ZBTB42: variants seen among roughly 807,000 people sequenced by gnomAD.
ZBTB42 encodes zinc finger and BTB domain containing 42, also known as zinc finger and BTB domain-containing protein 42.
In ZBTB42, 3 loss-of-function variants were observed where a neutral mutation model predicts 4.7. The ratio of observed to expected loss-of-function variants is 0.64; its 90% CI spans 0.29 to 1.66. The LOEUF is 1.66. ZBTB42 is among the 40% of genes most tolerant of loss of function. The pLI is 0.10. For synonymous variants in ZBTB42, 255 were observed against 259.5 expected (o/e 0.98, Z 0.17); for missense variants, 521 against 577.1 (o/e 0.90, Z 1.00).
rs918667799 is a variant in ZBTB42 at position 104,802,790 on chromosome 14, C to A, written c.*324C>A. Reference sequence around the variant, plus strand: ...AGTTCTGAGGGGTGTCCAACCAGCACCTGGCTCTGCCCCCGTTTCTCCGTG... The same window carrying A: ...AGTTCTGAGGGGTGTCCAACCAGCAACTGGCTCTGCCCCCGTTTCTCCGTG... On this transcript the variant is annotated 3_prime_UTR_variant, in exon 1 of 1. Coordinates refer to ENST00000342537, the MANE Select transcript of ZBTB42 (RefSeq NM_001137601.3). This position sits in a 1 kb window ranked among gnomAD's most constrained non-coding sequence, Gnocchi z 5.9. 7.4e-6 allele frequency: 3 copies of A among 406,674 alleles called. No homozygotes were observed. Among genetic ancestry groups the A allele is most frequent in the Non-Finnish European group, 1.4e-5 (3 of 215,942 alleles). 25.2% of individuals were successfully genotyped at this position (406,674 alleles called of 1,614,324 possible).
chr14:104,800,697 G>A (rs1429637622), upstream of ZBTB42: 6 of 146,544 alleles, frequency 4.1e-5, no homozygotes, highest in South Asian at 1.0e-3. The surrounding 1 kb of genome is among the most constrained non-coding windows in gnomAD (Gnocchi z 5.3). Flanking sequence ...TCGGGGCGGC[G>A]GAGGTGAGCG....
In ZBTB42 at chr14:104,803,123, CA is replaced by C. The variant is rs1371168145; in HGVS notation, c.*658del. ...GATCCTAAGGCAGCAGGAGTAGAGC[CA>C]GCTAGAAGCTGAGTGGCTGTGGCAT... is the stretch of plus-strand genomic sequence containing the variant. On this transcript the variant is annotated 3_prime_UTR_variant, in exon 1 of 1. Transcript: ENST00000342537. The C allele has an allele frequency of 6.0e-6, 1 of 166,940 alleles. No homozygotes were observed. The highest frequency in any genetic ancestry group is 2.4e-5 in the African/African-American group (1 of 41,166). The allele number at this position is 166,940 out of a possible 1,614,324, so 10.3% of individuals were successfully genotyped here.
At chr14:104,800,947 A>G (rs1036462739), upstream of ZBTB42, 5 of 366,988 alleles carry the variant, frequency 1.4e-5, no homozygotes, top group Non-Finnish European at 2.4e-5. The surrounding 1 kb of genome is among the most constrained non-coding windows in gnomAD (Gnocchi z 5.3). Context: ...GGACGCGCGC[A>G]GGTTTGCGCG....
chr14:104,802,703 GC>G lies in ZBTB42; in HGVS notation c.*242del. On this transcript the variant is annotated 3_prime_UTR_variant, in exon 1 of 1. Transcript: ENST00000342537. The surrounding 1 kb of genome is among the most constrained non-coding windows in gnomAD (Gnocchi z 5.9). Reference sequence around the variant, plus strand: ...TCCCCTCACTCTCCAACTCATTCCGGCCCCCAGGCTGTGCCCTGCCTAGGCT... The same window carrying G: ...TCCCCTCACTCTCCAACTCATTCCGGCCCCAGGCTGTGCCCTGCCTAGGCT... 1 of 623,936 alleles carries G rather than the reference GC, an allele frequency of 1.6e-6. No homozygotes were observed. The highest frequency in any genetic ancestry group is 2.0e-5 in the South Asian group (1 of 48,892). The allele number at this position is 623,936 out of a possible 1,614,324, so 38.6% of individuals were successfully genotyped here.
At chr14:104,800,972 G>T (rs1894027115), upstream of ZBTB42, 2 of 443,400 alleles carry the variant, frequency 4.5e-6, no homozygotes, top group Admixed American at 4.5e-5. This position sits in a 1 kb window ranked among gnomAD's most constrained non-coding sequence, Gnocchi z 5.3. Context: ...CGGCTCCTGC[G>T]CCTGAGTCCC....
Position 104,802,762 on chromosome 14 carries a change from C to T in ZBTB42, c.*296C>T. 4.1e-6 allele frequency: 2 copies of T among 489,348 alleles called. No individual in the cohort carries two copies. Among genetic ancestry groups the T allele is most frequent in the Non-Finnish European group, 3.8e-6 (1 of 264,750 alleles). The allele number at this position is 489,348 out of a possible 1,614,324, so 30.3% of individuals were successfully genotyped here. A position where few individuals can be genotyped will look rare whatever the true frequency, so the allele number is the denominator to read the frequency against. On this transcript the variant is annotated 3_prime_UTR_variant, in exon 1 of 1. Transcript: ENST00000342537. The surrounding 1 kb of genome is among the most constrained non-coding windows in gnomAD (Gnocchi z 5.9). ...TATCTTCCTCTCCCGTCCCCTCCAG[C>T]CAAGTTCTGAGGGGTGTCCAACCAG...
Position 104,801,398 on chromosome 14 carries a change from C to T in ZBTB42, c.201C>T (p.Asn67=). ...GCAGTCGCGACACGGTGCGGCTCAA[C>T]GGCGACATCGTCACGGCGCCCGCCT... ...PAGSRDTVRL[N]GDIVTAPAFG... The change falls in exon 1 of 1, where the codon AAC becomes AAT. Residue 67 remains asparagine (N), a synonymous_variant. Transcript: ENST00000342537. This position sits in a 1 kb window ranked among gnomAD's most constrained non-coding sequence, Gnocchi z 4.4. 2 of 1,547,744 alleles carry T rather than the reference C, an allele frequency of 1.3e-6. No homozygotes were observed. Among genetic ancestry groups the T allele is most frequent in the African/African-American group, 2.7e-5 (2 of 73,126 alleles).
rs1481384805 is a variant in ZBTB42 at position 104,801,151 on chromosome 14, C to A, written c.-47C>A. 4.3e-6 allele frequency: 6 copies of A among 1,382,002 alleles called. No homozygotes were observed. The highest frequency in any genetic ancestry group is 3.6e-5 in the Admixed American group (1 of 27,494). The allele number at this position is 1,382,002 out of a possible 1,614,324, so 85.6% of individuals were successfully genotyped here. ...AGGGCGCTTCGTGGGCGCCTCCAGG[C>A]GCGCTGACGGGCGTCCCGTTTGTGC... On this transcript the variant is annotated 5_prime_UTR_variant, in exon 1 of 1. Transcript: ENST00000342537. The surrounding 1 kb of genome is among the most constrained non-coding windows in gnomAD (Gnocchi z 4.4).
rs1894064114 is a variant in ZBTB42, at chr14:104,802,266, T to G, written c.1069T>G (p.Ser357Ala). The change falls in exon 1 of 1, where the codon TCG (serine) becomes GCG (alanine). Residue 357 changes from serine to alanine, a missense_variant. Ser to Ala is a moderately conservative substitution (Grantham distance 99). Coordinates refer to ENST00000342537, the MANE Select transcript of ZBTB42 (RefSeq NM_001137601.3). This position sits in a 1 kb window ranked among gnomAD's most constrained non-coding sequence, Gnocchi z 5.9. ...YTLKRHERTH[S>A]GEKPYTCVQC... ...ACTGAAGAGGCACGAGCGGACACAC[T>G]CGGGTGAGAAGCCCTATACGTGTGT... 1 of 1,550,212 alleles carries G rather than the reference T, an allele frequency of 6.5e-7. No individual in the cohort carries two copies. Among genetic ancestry groups the G allele is most frequent in the African/African-American group, 1.4e-5 (1 of 73,036 alleles).
rs1894036783 is a variant in ZBTB42, at chr14:104,801,287, G to C, written c.90G>C (p.Val30=). 1 of 1,543,490 alleles carries C rather than the reference G, an allele frequency of 6.5e-7. No homozygotes were observed. Among genetic ancestry groups the C allele is most frequent in the African/African-American group, 1.4e-5 (1 of 73,116 alleles). ...LGFLCDCTVL[V]GDARFPAHRA... ...TCCTATGCGACTGCACCGTGCTGGT[G>C]GGCGACGCGCGCTTCCCGGCCCACC... Residue 30 remains valine (V), a synonymous_variant, in exon 1 of 1, where the codon GTG becomes GTC. Transcript: ENST00000342537. This position sits in a 1 kb window ranked among gnomAD's most constrained non-coding sequence, Gnocchi z 4.4.
Position 104,802,072 on chromosome 14 carries a change from C to T in ZBTB42, c.875C>T (p.Pro292Leu). The change falls in exon 1 of 1, where the codon CCC (proline) becomes CTC (leucine). Residue 292 changes from proline to leucine, a missense_variant. Physicochemically the swap from Pro to Leu is moderately conservative, Grantham distance 98. Coordinates refer to ENST00000342537, the MANE Select transcript of ZBTB42 (RefSeq NM_001137601.3). This position sits in a 1 kb window ranked among gnomAD's most constrained non-coding sequence, Gnocchi z 5.9. The stretch of plus-strand genomic sequence containing the variant: ...GAGGACGAGCTGGGGCCTGGTGGGC[C>T]CCTCTGCATCTGCCCGTTGTGCAGC... Reference protein sequence around the residue: ...ASEDELGPGGPLCICPLCSKL... With the variant: ...ASEDELGPGGLLCICPLCSKL... 4 of 1,505,010 alleles carry T rather than the reference C, an allele frequency of 2.7e-6. No homozygotes were observed. The highest frequency in any genetic ancestry group is 3.6e-6 in the Non-Finnish European group (4 of 1,126,622). 93.2% of individuals were successfully genotyped at this position (1,505,010 alleles called of 1,614,324 possible).
chr14:104,801,512 G>A lies in ZBTB42; in HGVS notation c.315G>A (p.Leu105=). 6.5e-7 allele frequency: 1 copy of A among 1,550,200 alleles called. No individual in the cohort carries two copies. Among genetic ancestry groups the A allele is most frequent in the African/African-American group, 1.4e-5 (1 of 73,170 alleles). Residue 105 remains leucine, a synonymous_variant, in exon 1 of 1, where the codon CTG becomes CTA. Transcript: ENST00000342537. The surrounding 1 kb of genome is among the most constrained non-coding windows in gnomAD (Gnocchi z 4.4). The part of the protein sequence containing the change: ...VEDVLAAASY[L]HMYDIVKVCK... ...ACGTCCTGGCAGCCGCCAGCTACCT[G>A]CACATGTATGACATCGTCAAGGTCT... is the stretch of plus-strand genomic sequence containing the variant.
In ZBTB42 at chr14:104,802,360, A is replaced by G; in HGVS notation, c.1163A>G (p.Lys388Arg). ...SRHTVVHTRE[K>R]PHACRWCERR... ...CACACCGTAGTGCACACTCGAGAGA[A>G]GCCGCATGCCTGCCGGTGGTGTGAG... Residue 388 changes from lysine to arginine, a missense_variant, in exon 1 of 1, where the codon AAG (lysine) becomes AGG (arginine). Lys to Arg is a conservative substitution (Grantham distance 26, BLOSUM62 2). Coordinates refer to ENST00000342537, the MANE Select transcript of ZBTB42 (RefSeq NM_001137601.3). The surrounding 1 kb of genome is among the most constrained non-coding windows in gnomAD (Gnocchi z 5.9). 1 of 1,550,528 alleles carries G rather than the reference A, an allele frequency of 6.4e-7. No individual in the cohort carries two copies. The highest frequency in any genetic ancestry group is 8.7e-7 in the Non-Finnish European group (1 of 1,147,004).
Position 104,802,479 on chromosome 14 carries a change from G to T in ZBTB42, c.*13G>T. On this transcript the variant is annotated 3_prime_UTR_variant, in exon 1 of 1. Coordinates refer to ENST00000342537, the MANE Select transcript of ZBTB42 (RefSeq NM_001137601.3). This position sits in a 1 kb window ranked among gnomAD's most constrained non-coding sequence, Gnocchi z 5.9. Reference sequence around the variant, plus strand: ...CCTTCTGGTGTGATGCATCCCTGTGGGTCCTGAGGGTGGGGTGGAAGGGAA... The same window carrying T: ...CCTTCTGGTGTGATGCATCCCTGTGTGTCCTGAGGGTGGGGTGGAAGGGAA... 3.9e-6 allele frequency: 6 copies of T among 1,542,166 alleles called. No individual in the cohort carries two copies. Among genetic ancestry groups the T allele is most frequent in the Non-Finnish European group, 5.3e-6 (6 of 1,141,520 alleles).
chr14:104,803,082 G>GGT lies in ZBTB42; in HGVS notation c.*616_*617insGT, dbSNP rs1894091008. The GGT allele has an allele frequency of 7.0e-6, 1 of 141,984 alleles. No individual in the cohort carries two copies. The highest frequency in any genetic ancestry group is 1.6e-5 in the Non-Finnish European group (1 of 60,752). 8.8% of individuals were successfully genotyped at this position (141,984 alleles called of 1,614,324 possible). A position where few individuals can be genotyped will look rare whatever the true frequency, so the allele number is the denominator to read the frequency against. On this transcript the variant is annotated 3_prime_UTR_variant, in exon 1 of 1. Transcript: ENST00000342537. ...CTGGTGTCTCGGGGTGGGGGGGGGGGTGCAGCCCCAGCAGGGATCCTAAGG... is the reference window on the plus strand; with the variant it reads ...CTGGTGTCTCGGGGTGGGGGGGGGGGGTTGCAGCCCCAGCAGGGATCCTAAGG...
Position 104,801,864 on chromosome 14 carries a change from G to A in ZBTB42, c.667G>A (p.Val223Met), listed in dbSNP as rs951800811. ...SQRQPGAQPLVKDERDSLSEQ... is the reference protein window; with the variant it reads ...SQRQPGAQPLMKDERDSLSEQ... ...GAGGCAGCCAGGGGCCCAGCCACTG[G>A]TGAAGGACGAACGGGACTCACTGTC... The change falls in exon 1 of 1, where the codon GTG (valine) becomes ATG (methionine). Residue 223 changes from valine (V) to methionine (M), a missense_variant. Transcript: ENST00000342537. This position sits in a 1 kb window ranked among gnomAD's most constrained non-coding sequence, Gnocchi z 4.4. 9.7e-6 allele frequency: 15 copies of A among 1,549,794 alleles called. No individual in the cohort carries two copies. The African/African-American group carries it at 1.2e-4, about 13-fold the overall frequency.
Position 104,803,673 on chromosome 14 carries a change from C to G in ZBTB42, c.*1207C>G, listed in dbSNP as rs1455980994. On this transcript the variant is annotated 3_prime_UTR_variant, in exon 1 of 1. Transcript: ENST00000342537. ...CTCGAACATGAATAGAATGTGGAGA[C>G]CACAACCCCCACACATGTCGTTGGT... 6.0e-6 allele frequency: 1 copy of G among 166,882 alleles called. No individual in the cohort carries two copies. The highest frequency in any genetic ancestry group is 1.5e-5 in the Non-Finnish European group (1 of 68,124). 10.3% of individuals were successfully genotyped at this position (166,882 alleles called of 1,614,324 possible). A position where few individuals can be genotyped will look rare whatever the true frequency, so the allele number is the denominator to read the frequency against.
upstream of ZBTB42, chr14:104,801,062 C>A: frequency 8.3e-7 from 1 of 1,198,518 alleles, no homozygotes; most frequent in Non-Finnish European, 1.1e-6. This position sits in a 1 kb window ranked among gnomAD's most constrained non-coding sequence, Gnocchi z 4.4. Flanking sequence ...CCCGCGGCGG[C>A]TCTGGACGGG....
rs1184082254 is a variant in ZBTB42, at chr14:104,804,146, GGGGTGTGT to G, written c.*1682_*1689del. 3.0e-4 allele frequency: 8 copies of G among 26,684 alleles called. No individual in the cohort carries two copies. Among genetic ancestry groups the G allele is most frequent in the Non-Finnish European group, 2.8e-3 (4 of 1,428 alleles). 1.7% of individuals were successfully genotyped at this position (26,684 alleles called of 1,614,324 possible). A position where few individuals can be genotyped will look rare whatever the true frequency, so the allele number is the denominator to read the frequency against. On this transcript the variant is annotated 3_prime_UTR_variant, in exon 1 of 1. Coordinates refer to ENST00000342537, the MANE Select transcript of ZBTB42 (RefSeq NM_001137601.3). ...TGTGATGTGCTCCATAATCGGGTGG[GGGGTGTGT>G]GTGTGTGTGTGTGTGTGTGTATGTA...
Sources: allele counts gnomAD v4.1 joint callset, GRCh38; gene constraint gnomAD v4.1.1; non-coding constraint Gnocchi (gnomAD v3.1); transcripts MANE v1.5; gene names NCBI Gene and HGNC (gene_info 2026-07-23, HGNC 2026-07-21).